ALKBH2: variants seen among roughly 807,000 people sequenced by gnomAD.
ALKBH2 encodes DNA oxidative demethylase ALKBH2.
In ALKBH2, 19 loss-of-function variants were observed where a neutral mutation model predicts 19.7. That is an observed-to-expected ratio of 0.97 (90% CI 0.67 to 1.42). ALKBH2 has a LOEUF of 1.42. Ranked by LOEUF, ALKBH2 falls within the 40% of genes most tolerant of loss-of-function variation. ALKBH2 has a pLI of 0.00. For synonymous variants in ALKBH2, 135 were observed against 131.2 expected, an observed-to-expected ratio of 1.03 and a Z score of -0.20; for missense variants, 310 against 328.5, an observed-to-expected ratio of 0.94 and a Z score of 0.43.
chr12:109,090,324 T>C (rs776332211), intron 2 of ALKBH2, 117 bp from the exon 3 acceptor site: 69 of 799,160 alleles, frequency 8.6e-5, no homozygotes, highest in Non-Finnish European at 1.3e-4. Context: ...ACATGCTCCC[T>C]GGGTATTCAA....
chr12:109,089,864 G>C lies in ALKBH2; in HGVS notation c.479+145C>G. ...ATGAGCTCCAGGATCCAGGAAGACC[G>C]AGTGCTGGCGCTATTCCACTCTTAG... is the stretch of plus-strand genomic sequence containing the variant. On this transcript the variant is annotated intron_variant, in intron 3 of 3. Transcript: ENST00000429722. 1.4e-5 allele frequency: 11 copies of C among 797,782 alleles called. No homozygotes were observed. The South Asian group carries it at 1.7e-4, about 12-fold the overall frequency. The allele number at this position is 797,782 out of a possible 1,614,324, so 49.4% of individuals were successfully genotyped here. A position where few individuals can be genotyped will look rare whatever the true frequency, so the allele number is the denominator to read the frequency against.
intron 2 of ALKBH2, chr12:109,092,208 C>T (rs754494591): frequency 6.7e-5 from 19 of 285,602 alleles, no homozygotes; most frequent in Admixed American, 2.6e-4. Flanking sequence ...GAACCCAGCA[C>T]GTTTTTTTAC....
At chr12:109,090,258 A>G (rs2042041805) in intron 2 of ALKBH2, 51 bp from the exon 3 acceptor site, 1 of 1,555,582 alleles carries the variant, frequency 6.4e-7, no homozygotes, top group African/African-American at 1.4e-5. Flanking sequence ...CCATCTAGAA[A>G]TCCAGATGCC....
Position 109,090,080 on chromosome 12 carries a change from T to C in ALKBH2, c.408A>G (p.Pro136=). 1 of 1,614,190 alleles carries C rather than the reference T, an allele frequency of 6.2e-7. No homozygotes were observed. Among genetic ancestry groups the C allele is most frequent in the Non-Finnish European group, 8.5e-7 (1 of 1,180,018 alleles). ...GLTLSPKPWI[P]VLERIRDHVS... ...CGTGATCCCGGATGCGCTCTAGAACTGGGATCCAGGGCTTTGGAGACAGCG... is the reference window on the plus strand; with the variant it reads ...CGTGATCCCGGATGCGCTCTAGAACCGGGATCCAGGGCTTTGGAGACAGCG... The change falls in exon 3 of 4, where the codon CCA becomes CCG. Residue 136 remains proline (P), a synonymous_variant. Coordinates refer to ENST00000429722, the MANE Select transcript of ALKBH2 (RefSeq NM_001145374.2).
chr12:109,090,195 C>A lies in ALKBH2; in HGVS notation c.293G>T (p.Arg98Ile). Reference protein sequence around the residue: ...EVEYFTGALARVQVFGKWHSV... With the variant: ...EVEYFTGALAIVQVFGKWHSV... ...GTGCCACTTCCCGAATACCTGGACT[C>A]TGGCCAGTGCTCCTGTGCAGAGGAA... Residue 98 changes from arginine (R) to isoleucine (I), a missense_variant, in exon 3 of 4, where the codon AGA becomes ATA. By Grantham distance (97) the Arg-to-Ile change is moderately conservative. Transcript: ENST00000429722. The A allele has an allele frequency of 6.2e-7, 1 of 1,613,590 alleles. No individual in the cohort carries two copies. The highest frequency in any genetic ancestry group is 8.5e-7 in the Non-Finnish European group (1 of 1,180,018).
rs747442485 is a variant in ALKBH2, at chr12:109,092,813, T to C, written c.-27A>G. The C allele has an allele frequency of 1.1e-5, 18 of 1,582,044 alleles. No homozygotes were observed. Among genetic ancestry groups the C allele is most frequent in the Non-Finnish European group, 1.5e-5 (18 of 1,166,516 alleles). On this transcript the variant is annotated 5_prime_UTR_variant, in exon 2 of 4. Transcript: ENST00000429722. ...CTGTCCCCACAGGAAAGAAGGGACG[T>C]CAGTGGCGAGGCCAAGACAGAAATT...
In ALKBH2 at chr12:109,090,168, C is replaced by T. The variant is rs765900733; in HGVS notation, c.320G>A (p.Ser107Asn). The T allele has an allele frequency of 3.1e-6, 5 of 1,614,094 alleles. No individual in the cohort carries two copies. In the South Asian group the frequency reaches 5.5e-5, roughly 18 times the overall value. ...ATACGTTGCCTGCTTCCTGGGCACACTGTGCCACTTCCCGAATACCTGGAC... is the reference window on the plus strand; with the variant it reads ...ATACGTTGCCTGCTTCCTGGGCACATTGTGCCACTTCCCGAATACCTGGAC... ...ARVQVFGKWHSVPRKQATYGD... is the reference protein window; with the variant it reads ...ARVQVFGKWHNVPRKQATYGD... The change falls in exon 3 of 4, where the codon AGT becomes AAT. Residue 107 changes from serine to asparagine, a missense_variant. Coordinates refer to ENST00000429722, the MANE Select transcript of ALKBH2 (RefSeq NM_001145374.2).
intron 2 of ALKBH2, 55 bp downstream of exon 2, chr12:109,092,452 T>G: frequency 6.8e-7 from 1 of 1,473,130 alleles, no homozygotes; most frequent in Middle Eastern, 1.8e-4. Flanking sequence ...GATCATTAAT[T>G]GCACCAAACA....
chr12:109,088,537 G>T lies in ALKBH2; in HGVS notation c.480-25C>A. The T allele has an allele frequency of 6.4e-7, 1 of 1,556,214 alleles. No individual in the cohort carries two copies. Among genetic ancestry groups the T allele is most frequent in the East Asian group, 2.3e-5 (1 of 44,098 alleles). On this transcript the variant is annotated intron_variant, in intron 3 of 3. Coordinates refer to ENST00000429722, the MANE Select transcript of ALKBH2 (RefSeq NM_001145374.2). This position sits in a 1 kb window ranked among gnomAD's most constrained non-coding sequence, Gnocchi z 4.2. Reference sequence around the variant, plus strand: ...CCTGCAATGAGAAAACAAACACAGTGCATAAAAACAACCCTCTCCTGAAAC... The same window carrying T: ...CCTGCAATGAGAAAACAAACACAGTTCATAAAAACAACCCTCTCCTGAAAC...
At chr12:109,090,539 C>T (rs59130579) in intron 2 of ALKBH2, among the ~76,000 whole-genome samples, 4,601 of 151,808 alleles carry the variant, frequency 0.03, 233 homozygotes, top group African/African-American at 0.1. Context: ...GCAATCCTCC[C>T]GCATCAGCCT....
chr12:109,092,889 A>G lies in ALKBH2; in HGVS notation c.-103T>C, dbSNP rs992230265. On this transcript the variant is annotated 5_prime_UTR_variant, in exon 2 of 4. Coordinates refer to ENST00000429722, the MANE Select transcript of ALKBH2 (RefSeq NM_001145374.2). ...AATCTGTTTGTCCAAGGGGTCTCAC[A>G]GCAACATTCCTAGTTTCACATTTTC... The G allele has an allele frequency of 9.3e-6, 14 of 1,506,016 alleles. No individual in the cohort carries two copies. Among genetic ancestry groups the G allele is most frequent in the African/African-American group, 1.4e-5 (1 of 71,290 alleles). 93.3% of individuals were successfully genotyped at this position (1,506,016 alleles called of 1,614,324 possible).
intron 2 of ALKBH2, among the ~76,000 whole-genome samples, chr12:109,090,723 A>G (rs935651214): frequency 6.6e-6 from 1 of 152,000 alleles, no homozygotes; most frequent in Non-Finnish European, 1.5e-5. Context: ...ATTTTTTTGT[A>G]AGACACAGGG....
rs1300321067 is a variant in ALKBH2, at chr12:109,092,578, G to A, written c.209C>T (p.Thr70Ile). 1 of 1,613,736 alleles carries A rather than the reference G, an allele frequency of 6.2e-7. No individual in the cohort carries two copies. Among genetic ancestry groups the A allele is most frequent in the Non-Finnish European group, 8.5e-7 (1 of 1,179,792 alleles). Reference sequence around the variant, plus strand: ...TGCCTCAGCTTTGCCAAACAGGACTGTGTAACTGCAGTCCAGGCCCTCAGC... The same window carrying A: ...TGCCTCAGCTTTGCCAAACAGGACTATGTAACTGCAGTCCAGGCCCTCAGC... ...IRAEGLDCSY[T>I]VLFGKAEADE... is the part of the protein sequence containing the mutation. Residue 70 changes from threonine (T) to isoleucine (I), a missense_variant, in exon 2 of 4, where the codon ACA becomes ATA. Thr to Ile is a moderately conservative substitution (Grantham distance 89). Coordinates refer to ENST00000429722, the MANE Select transcript of ALKBH2 (RefSeq NM_001145374.2).
In ALKBH2 at chr12:109,088,639, G is replaced by A. The variant is rs2042007518; in HGVS notation, c.480-127C>T. 2.3e-6 allele frequency: 2 copies of A among 884,150 alleles called. No homozygotes were observed. Among genetic ancestry groups the A allele is most frequent in the East Asian group, 2.6e-5 (1 of 38,122 alleles). The allele number at this position is 884,150 out of a possible 1,614,324, so 54.8% of individuals were successfully genotyped here. ...CATGGCTGTACCTGCCGTTGTTTCT[G>A]CGAGGGCTTGAGGTCCACAGTGGGC... On this transcript the variant is annotated intron_variant, in intron 3 of 3. Transcript: ENST00000429722. This position sits in a 1 kb window ranked among gnomAD's most constrained non-coding sequence, Gnocchi z 4.2.
rs746797940 is a variant in ALKBH2, at chr12:109,088,524, AAAC to A, written c.480-15_480-13del. ...AGCCATCTTTATACCTGCAATGAGA[AAAC>A]AAACACAGTGCATAAAAACAACCCT... On this transcript the variant is annotated splice_polypyrimidine_tract_variant and intron_variant, in intron 3 of 3. Coordinates refer to ENST00000429722, the MANE Select transcript of ALKBH2 (RefSeq NM_001145374.2). This position sits in a 1 kb window ranked among gnomAD's most constrained non-coding sequence, Gnocchi z 4.2. 1.9e-5 allele frequency: 30 copies of A among 1,571,112 alleles called. No individual in the cohort carries two copies. Among genetic ancestry groups the A allele is most frequent in the Non-Finnish European group, 2.4e-5 (28 of 1,156,082 alleles).
Position 109,088,331 on chromosome 12 carries a change from C to T in ALKBH2, c.661G>A (p.Gly221Arg), listed in dbSNP as rs781613339. 58 of 1,614,014 alleles carry T rather than the reference C, an allele frequency of 3.6e-5. No individual in the cohort carries two copies. Among genetic ancestry groups the T allele is most frequent in the Non-Finnish European group, 4.7e-5 (55 of 1,180,028 alleles). Residue 221 changes from glycine to arginine, a missense_variant, in exon 4 of 4, where the codon GGG (glycine) becomes AGG (arginine). Physicochemically the swap from Gly to Arg is moderately radical, Grantham distance 125. Transcript: ENST00000429722. This position sits in a 1 kb window ranked among gnomAD's most constrained non-coding sequence, Gnocchi z 4.2. ...GGGTGGTTCATCATTAGTAAGCTCCCGTGGGCCAGCGGCAGCCTGACCACC... is the reference window on the plus strand; with the variant it reads ...GGGTGGTTCATCATTAGTAAGCTCCTGTGGGCCAGCGGCAGCCTGACCACC... ...VAVVRLPLAH[G>R]SLLMMNHPTN...
chr12:109,092,950 CAG>C lies in ALKBH2; in HGVS notation c.-151-15_-151-14del. The C allele has an allele frequency of 7.0e-7, 1 of 1,426,758 alleles. No individual in the cohort carries two copies. The highest frequency in any genetic ancestry group is 1.5e-5 in the South Asian group (1 of 65,024). 88.4% of individuals were successfully genotyped at this position (1,426,758 alleles called of 1,614,324 possible). On this transcript the variant is annotated splice_polypyrimidine_tract_variant and intron_variant, in intron 1 of 3. Transcript: ENST00000429722. ...TTAAAACCATGTCCTAGAAAGGAAA[CAG>C]AAGATGTTAAAGCCGGAAGGGACCC...
Position 109,088,420 on chromosome 12 carries a change from G to A in ALKBH2, c.572C>T (p.Ala191Val). The change falls in exon 4 of 4, where the codon GCC becomes GTC. Residue 191 changes from alanine (A) to valine (V), a missense_variant. Ala to Val is a moderately conservative substitution (Grantham distance 64, BLOSUM62 0). Transcript: ENST00000429722. The surrounding 1 kb of genome is among the most constrained non-coding windows in gnomAD (Gnocchi z 4.2). ...ATGCCGGAAGACAAAGTCTCTGCAGGCACCGAAGGAGACAGAGGCAATGGG... is the reference window on the plus strand; with the variant it reads ...ATGCCGGAAGACAAAGTCTCTGCAGACACCGAAGGAGACAGAGGCAATGGG... ...GSPIASVSFG[A>V]CRDFVFRHKD... 6.2e-7 allele frequency: 1 copy of A among 1,613,772 alleles called. No individual in the cohort carries two copies. The highest frequency in any genetic ancestry group is 8.5e-7 in the Non-Finnish European group (1 of 1,179,956).
At chr12:109,090,381 A>G (rs965263085) in intron 2 of ALKBH2, among the ~76,000 whole-genome samples, 174 bp from the exon 3 acceptor site, 9 of 152,150 alleles carry the variant, frequency 5.9e-5, no homozygotes, top group Admixed American at 4.6e-4. Context: ...ATTCCATGCA[A>G]TTTAAACCCC....
Sources: allele counts gnomAD v4.1 joint callset (sites outside exome capture counted in the v4.1 genomes callset), GRCh38; gene constraint gnomAD v4.1.1; non-coding constraint Gnocchi (gnomAD v3.1); transcripts MANE v1.5; gene names NCBI Gene and HGNC (gene_info 2026-07-23, HGNC 2026-07-21).